The following PIP5K1A variants were observed in gnomAD, a reference collection of about 807,000 sequenced individuals.
PIP5K1A encodes phosphatidylinositol 4-phosphate 5-kinase type-1 alpha.
In PIP5K1A, 46 loss-of-function variants were observed where a neutral mutation model predicts 72.9. The ratio of observed to expected loss-of-function variants is 0.63; its 90% CI spans 0.50 to 0.81. The LOEUF is 0.81. Among genes scored for constraint, PIP5K1A ranks in the 30% least tolerant of loss-of-function variants. The probability of loss-of-function intolerance (pLI) is 0.00; values close to 1 mark genes in which losing one functional copy is unlikely to be tolerated. For missense variants in PIP5K1A, 458 were observed against 706.1 expected (o/e 0.65, Z 3.98); for synonymous variants, 228 against 255.1 (o/e 0.89, Z 1.01).
Position 151,232,371 on chromosome 1 carries a change from CATCTGGAT to C in PIP5K1A, c.486+10_486+17del, listed in dbSNP as rs1690215463. ...TCCGGCCCGATGATTACTTGGTAAG[CATCTGGAT>C]ATCAGGACACTGTGACTCCAGTATC... On this transcript the variant is annotated splice_region_variant and intron_variant, in intron 6 of 15. Transcript: ENST00000368888. The C allele has an allele frequency of 6.3e-7, 1 of 1,595,766 alleles. No homozygotes were observed. Among genetic ancestry groups the C allele is most frequent in the African/African-American group, 1.3e-5 (1 of 74,680 alleles).
chr1:151,208,833 C>T (rs1312921984), intron 1 of PIP5K1A, among the ~76,000 whole-genome samples: 2 of 139,794 alleles, frequency 1.4e-5, no homozygotes, highest in Non-Finnish European at 3.1e-5. Flanking sequence ...CCTGGGTTCA[C>T]GCCATTCTCT....
Position 151,246,947 on chromosome 1 carries a change from A to C in PIP5K1A, c.1668A>C (p.Ala556=), listed in dbSNP as rs771541181. The change falls in exon 15 of 16, where the codon GCA becomes GCC. Residue 556 remains alanine (A), a synonymous_variant. Transcript: ENST00000368888. ...TSTTLEKLEV[A]ESEFTH ...CAACCTTGGAAAAGCTTGAAGTTGCAGAGTCAGAGTTCACCCATGTGAGTA... is the reference window on the plus strand; with the variant it reads ...CAACCTTGGAAAAGCTTGAAGTTGCCGAGTCAGAGTTCACCCATGTGAGTA... The C allele has an allele frequency of 6.2e-7, 1 of 1,613,540 alleles. No homozygotes were observed. Among genetic ancestry groups the C allele is most frequent in the Admixed American group, 1.7e-5 (1 of 60,002 alleles).
At chr1:151,232,858 TG>T (rs2102641116) in intron 7 of PIP5K1A, among the ~76,000 whole-genome samples, 155 bp downstream of exon 7, 1 of 152,118 alleles carries the variant, frequency 6.6e-6, no homozygotes, top group East Asian at 1.9e-4. Context: ...CCCAGGACTT[TG>T]GGAGGCCGAG....
intron 1 of PIP5K1A, among the ~76,000 whole-genome samples, chr1:151,207,073 T>C (rs1686041864): frequency 6.7e-6 from 1 of 148,618 alleles, no homozygotes. Context: ...TTTCACCATG[T>C]TGGCCAGGCT....
chr1:151,236,677 G>A lies in PIP5K1A; in HGVS notation c.1059G>A (p.Pro353=), dbSNP rs773097149. 10 of 1,613,716 alleles carry A rather than the reference G, an allele frequency of 6.2e-6. No homozygotes were observed. Among genetic ancestry groups the A allele is most frequent in the South Asian group, 3.3e-5 (3 of 91,074 alleles). ...AGTACTCAGTTGATACTCGAAGACCGGCCCCCCAAAAGGCTCTGTATTCCA... is the reference window on the plus strand; with the variant it reads ...AGTACTCAGTTGATACTCGAAGACCAGCCCCCCAAAAGGCTCTGTATTCCA... ...ETQYSVDTRR[P]APQKALYSTA... is the part of the protein sequence containing the mutation. Residue 353 remains proline (P), a synonymous_variant, in exon 9 of 16, where the codon CCG becomes CCA. Coordinates refer to ENST00000368888, the MANE Select transcript of PIP5K1A (RefSeq NM_001135638.2).
chr1:151,246,108 G>A (rs1692464946), intron 14 of PIP5K1A, among the ~76,000 whole-genome samples: 1 of 152,100 alleles, frequency 6.6e-6, no homozygotes, highest in African/African-American at 2.4e-5. Context: ...TTAGCCAGGT[G>A]TGGTGATTTG....
rs112650908 is a variant in PIP5K1A, at chr1:151,226,713, C to CAA, written c.157-592_157-591dup. ...AGGCGACACAAGCGAAACTCTGTCT[C>CAA]AAAAAAAAAAAAAAAAGTACTCTTA... On this transcript the variant is annotated intron_variant, in intron 3 of 15. Coordinates refer to ENST00000368888, the MANE Select transcript of PIP5K1A (RefSeq NM_001135638.2). 4.4e-3 allele frequency among the ~76,000 whole-genome samples: 551 copies of CAA among 124,792 alleles called. 4 individuals carry two copies. The highest frequency in any genetic ancestry group is 0.013 in the Middle Eastern group (3 of 228). The allele number at this position is 124,792 out of a possible 152,430, so 81.9% of individuals were successfully genotyped here. A position where few individuals can be genotyped will look rare whatever the true frequency, so the allele number is the denominator to read the frequency against.
intron 1 of PIP5K1A, among the ~76,000 whole-genome samples, chr1:151,203,595 G>A (rs1450436312): frequency 6.6e-6 from 1 of 151,824 alleles, no homozygotes; most frequent in Non-Finnish European, 1.5e-5. Flanking sequence ...GGAGGCCGAG[G>A]TGGGCGGATC....
rs1431348953 is a variant in PIP5K1A, at chr1:151,242,142, A to T, written c.1383A>T (p.Lys461Asn). 1.2e-6 allele frequency: 2 copies of T among 1,613,982 alleles called. No homozygotes were observed. Among genetic ancestry groups the T allele is most frequent in the East Asian group, 2.2e-5 (1 of 44,890 alleles). The change falls in exon 13 of 16, where the codon AAA becomes AAT. Residue 461 changes from lysine to asparagine, a missense_variant. Coordinates refer to ENST00000368888, the MANE Select transcript of PIP5K1A (RefSeq NM_001135638.2). ...KKIPLKPSPS[K>N]KFRSGSSFSR... ...TTGAAGTGAAGCCTTCTCCTTCCAA[A>T]AAGTTTCGGTCTGGCTCATCTTTCT...
chr1:151,228,740 T>C (rs1689532822), intron 4 of PIP5K1A, among the ~76,000 whole-genome samples: 1 of 152,100 alleles, frequency 6.6e-6, no homozygotes, highest in Non-Finnish European at 1.5e-5. Flanking sequence ...GAGTTCTAGG[T>C]TTCTGGCCTA....
At position 151,198,835 on chromosome 1, in the gene PIP5K1A, C is replaced by T. The variant is rs1031190531; in HGVS notation, c.-162C>T. 1.4e-6 allele frequency: 1 copy of T among 707,608 alleles called. No homozygotes were observed. The highest frequency in any genetic ancestry group is 2.5e-6 in the Non-Finnish European group (1 of 402,352). The allele number at this position is 707,608 out of a possible 1,614,324, so 43.8% of individuals were successfully genotyped here. On this transcript the variant is annotated 5_prime_UTR_variant, in exon 1 of 16. It introduces an in-frame stop codon into an upstream open reading frame of the 5' UTR. Coordinates refer to ENST00000368888, the MANE Select transcript of PIP5K1A (RefSeq NM_001135638.2). Reference sequence around the variant, plus strand: ...CGAATGGTGTGGCCTTGAGCTGGTCCAGGAGCCGGCTCGACGTGTCTGAGG... The same window carrying T: ...CGAATGGTGTGGCCTTGAGCTGGTCTAGGAGCCGGCTCGACGTGTCTGAGG...
chr1:151,227,501 C>G (rs1689328502), intron 4 of PIP5K1A, 101 bp downstream of exon 4: 2 of 679,038 alleles, frequency 2.9e-6, no homozygotes, highest in South Asian at 3.7e-5. Flanking sequence ...TGTCCTGTTT[C>G]TTGATCTCCT....
chr1:151,210,334 A>G (rs938439689), intron 1 of PIP5K1A, among the ~76,000 whole-genome samples: 3 of 149,390 alleles, frequency 2.0e-5, no homozygotes, highest in Admixed American at 2.0e-4. Context: ...GATTACAGGC[A>G]TGGGCCACCA....
Position 151,248,976 on chromosome 1 carries a change from G to A in PIP5K1A, c.*1111G>A, listed in dbSNP as rs1484870896. 2.0e-5 allele frequency: 3 copies of A among 152,398 alleles called. 1 individual carries two copies. The highest frequency in any genetic ancestry group is 4.4e-5 in the Non-Finnish European group (3 of 68,038). 9.4% of individuals were successfully genotyped at this position (152,398 alleles called of 1,614,324 possible). A position where few individuals can be genotyped will look rare whatever the true frequency, so the allele number is the denominator to read the frequency against. ...GACAGCAGATTCTTGCCTTGGTGAG[G>A]TCATTGCTGTGCCATATGTCCTACC... On this transcript the variant is annotated 3_prime_UTR_variant, in exon 16 of 16. Transcript: ENST00000368888.
rs1364919144 is a variant in PIP5K1A, at chr1:151,224,423, G to A, written c.156+17G>A. On this transcript the variant is annotated intron_variant, in intron 3 of 15. Transcript: ENST00000368888. ...ATCTCATTGGTAGGCTAGAAATTAT[G>A]CAACTCATCTTTTATTGTAGTTTAT... 1 of 1,529,346 alleles carries A rather than the reference G, an allele frequency of 6.5e-7. No individual in the cohort carries two copies. Among genetic ancestry groups the A allele is most frequent in the African/African-American group, 1.4e-5 (1 of 73,288 alleles). The allele number at this position is 1,529,346 out of a possible 1,614,324, so 94.7% of individuals were successfully genotyped here.
upstream of PIP5K1A, chr1:151,198,089 G>T (rs1191915508): frequency 2.1e-6 from 1 of 470,782 alleles, no homozygotes; most frequent in Non-Finnish European, 4.4e-6. Context: ...ACAAAACACA[G>T]ATCTATTTCG....
chr1:151,214,942 T>C (rs1687364753), intron 1 of PIP5K1A, among the ~76,000 whole-genome samples: 1 of 151,560 alleles, frequency 6.6e-6, no homozygotes, highest in South Asian at 2.1e-4. Flanking sequence ...GGTCTCGAAC[T>C]CCTGGCCTCA....
At chr1:151,234,772 AT>A (rs924733709) in intron 8 of PIP5K1A, among the ~76,000 whole-genome samples, 1 of 152,178 alleles carries the variant, frequency 6.6e-6, no homozygotes, top group South Asian at 2.1e-4. Context: ...CCTTCCTCAG[AT>A]TTTGGTCCTG....
intron 10 of PIP5K1A, chr1:151,238,506 A>T (rs929354769): frequency 4.2e-6 from 2 of 477,688 alleles, no homozygotes; most frequent in Non-Finnish European, 7.6e-6. Context: ...TGGAAAGCTG[A>T]GTCAGTCCTT....
Sources: allele counts gnomAD v4.1 joint callset (sites outside exome capture counted in the v4.1 genomes callset), GRCh38; gene constraint gnomAD v4.1.1; transcripts MANE v1.5; gene names NCBI Gene and HGNC (gene_info 2026-07-23, HGNC 2026-07-21).